The following STARD13 variants were observed in gnomAD, a reference collection of about 807,000 sequenced individuals.
The protein encoded by STARD13 is StAR related lipid transfer domain containing 13.
STARD13 carries 62 observed loss-of-function variants against 106.4 expected under a neutral mutation model. The observed-to-expected ratio is 0.58, with a 90% CI of 0.48 to 0.72. The LOEUF (loss-of-function observed/expected upper bound fraction) is 0.72, where lower values mean the gene tolerates loss of function less well. Among genes scored for constraint, STARD13 ranks in the 30% least tolerant of loss-of-function variants. The probability of loss-of-function intolerance (pLI) is 0.00; values close to 1 mark genes in which losing one functional copy is unlikely to be tolerated. For missense variants in STARD13, 1,387 were observed against 1,424.0 expected (o/e 0.97, Z 0.42); for synonymous variants, 565 against 553.0 (o/e 1.02, Z -0.31).
intron 1 of STARD13, among the ~76,000 whole-genome samples, chr13:33,253,332 A>G (rs1257452508): frequency 6.6e-6 from 1 of 152,232 alleles, no homozygotes. Context: ...GCAATTAAGA[A>G]TAGGTGTTAA....
chr13:33,231,766 T>C (rs540933346), intron 1 of STARD13, among the ~76,000 whole-genome samples: 1 of 152,234 alleles, frequency 6.6e-6, no homozygotes, highest in South Asian at 2.1e-4. Context: ...TCCCATAACT[T>C]TTCCAGATGA....
the STARD13 span, among the ~76,000 whole-genome samples, chr13:33,504,414 A>T: frequency 6.6e-6 from 1 of 152,122 alleles, no homozygotes; most frequent in African/African-American, 2.4e-5. Context: ...ACCATGGAAA[A>T]CTATGCACCC....
At chr13:33,222,668 T>C (rs1235597926) in intron 1 of STARD13, among the ~76,000 whole-genome samples, 1 of 152,228 alleles carries the variant, frequency 6.6e-6, no homozygotes, top group Admixed American at 6.5e-5. Context: ...TTCTCCTGGG[T>C]TTCCATTTTT....
chr13:33,296,867 C>T (rs1263731177), intron 1 of STARD13, among the ~76,000 whole-genome samples: 4 of 152,216 alleles, frequency 2.6e-5, no homozygotes, highest in Non-Finnish European at 5.9e-5. Context: ...GATCTGCCTG[C>T]CTCAGCCTCC....
At chr13:33,247,655 C>A (rs190890192) in intron 1 of STARD13, among the ~76,000 whole-genome samples, 326 of 152,164 alleles carry the variant, frequency 2.1e-3, no homozygotes, top group African/African-American at 7.3e-3. Flanking sequence ...TATTGTATTA[C>A]AAATTTTCAA....
the STARD13 span, among the ~76,000 whole-genome samples, chr13:33,584,836 TATC>T: frequency 1.3e-5 from 2 of 151,980 alleles, no homozygotes; most frequent in Middle Eastern, 3.4e-3. Flanking sequence ...GGGAGTGAAT[TATC>T]ATGAGATTCA....
the STARD13 span, among the ~76,000 whole-genome samples, chr13:33,449,233 T>G: frequency 6.6e-6 from 1 of 152,192 alleles, no homozygotes; most frequent in Admixed American, 6.5e-5. Flanking sequence ...TTTGTAGTTT[T>G]GGGTCTTACA....
the STARD13 span, among the ~76,000 whole-genome samples, chr13:33,551,568 CCTTTT>C: frequency 5.6e-4 from 25 of 44,794 alleles, 9 homozygotes; most frequent in South Asian, 1.9e-3. Flanking sequence ...TTTGCTTTTC[CCTTTT>C]TTTTTTTTTT....
At chr13:33,410,294 C>T in the STARD13 span, among the ~76,000 whole-genome samples, 5 of 152,180 alleles carry the variant, frequency 3.3e-5, no homozygotes, top group East Asian at 9.6e-4. Flanking sequence ...CTAATGGTCA[C>T]ATAAGTGGAA....
chr13:33,452,049 A>T, the STARD13 span, among the ~76,000 whole-genome samples: 1 of 152,226 alleles, frequency 6.6e-6, no homozygotes, highest in African/African-American at 2.4e-5. Flanking sequence ...CTTAGGAGGT[A>T]CCTTGATGAA....
intron 1 of STARD13, among the ~76,000 whole-genome samples, chr13:33,177,207 T>G (rs1477477340): frequency 6.6e-6 from 1 of 152,218 alleles, no homozygotes; most frequent in Non-Finnish European, 1.5e-5. Flanking sequence ...AAATACTCAC[T>G]GAATTCAGGT....
chr13:33,173,138 A>G (rs931177771), intron 1 of STARD13, among the ~76,000 whole-genome samples: 1 of 152,224 alleles, frequency 6.6e-6, no homozygotes, highest in African/African-American at 2.4e-5. Context: ...GGATGAAATT[A>G]TCACTATTAA....
the STARD13 span, among the ~76,000 whole-genome samples, chr13:33,569,588 A>G: frequency 6.8e-6 from 1 of 147,668 alleles, no homozygotes; most frequent in South Asian, 2.2e-4. Flanking sequence ...AAGTGAGCAG[A>G]AAGAAATCTT....
At chr13:33,305,137 T>C (rs191322162) in intron 1 of STARD13, among the ~76,000 whole-genome samples, 1 of 152,352 alleles carries the variant, frequency 6.6e-6, no homozygotes, top group East Asian at 1.9e-4. Flanking sequence ...AGTGATCTTC[T>C]TGCCCCAGCC....
At chr13:33,638,898 T>C in the STARD13 span, among the ~76,000 whole-genome samples, 1 of 152,208 alleles carries the variant, frequency 6.6e-6, no homozygotes, top group African/African-American at 2.4e-5. Flanking sequence ...AAACTTGTGG[T>C]TATGTTTTAT....
chr13:33,219,813 C>CAAAAAAAAAAAA (rs71196513), intron 1 of STARD13, among the ~76,000 whole-genome samples: 4 of 116,504 alleles, frequency 3.4e-5, no homozygotes, highest in Non-Finnish European at 6.9e-5. Flanking sequence ...TAAAAACAAA[C>CAAAAAAAAAAAA]AAAAAAAAAA....
At chr13:33,512,423 T>C in the STARD13 span, among the ~76,000 whole-genome samples, 3 of 152,144 alleles carry the variant, frequency 2.0e-5, no homozygotes, top group Non-Finnish European at 4.4e-5. Flanking sequence ...TTAGAGTCCT[T>C]AGAGCAAAGA....
the STARD13 span, among the ~76,000 whole-genome samples, chr13:33,549,788 A>T: frequency 1.3e-5 from 2 of 151,816 alleles, no homozygotes; most frequent in Non-Finnish European, 2.9e-5. Context: ...GTCAGACATT[A>T]TTTTTTTTCT....
chr13:33,582,433 A>G, the STARD13 span, among the ~76,000 whole-genome samples: 1 of 152,160 alleles, frequency 6.6e-6, no homozygotes, highest in Admixed American at 6.5e-5. Context: ...AAACTTGGGT[A>G]AAAAACCCTC....
Sources: allele counts gnomAD v4.1 joint callset (sites outside exome capture counted in the v4.1 genomes callset), GRCh38; gene constraint gnomAD v4.1.1; transcripts MANE v1.5; gene names NCBI Gene and HGNC (gene_info 2026-07-23, HGNC 2026-07-21).